The following VTI1A variants were observed in gnomAD, a reference collection of about 807,000 sequenced individuals.
The protein encoded by VTI1A is vesicle transport through interaction with t-SNAREs homolog 1A.
In VTI1A, 22 loss-of-function variants were observed where a neutral mutation model predicts 34.9. The observed-to-expected ratio is 0.63, with a 90% CI of 0.45 to 0.90. The LOEUF (loss-of-function observed/expected upper bound fraction) is 0.90. Among genes scored for constraint, VTI1A ranks in the 40% least tolerant of loss-of-function variants. The probability of loss-of-function intolerance (pLI) is 0.00; values close to 1 mark genes in which losing one functional copy is unlikely to be tolerated. For synonymous variants in VTI1A, 87 were observed against 97.3 expected (o/e 0.89, Z 0.62); for missense variants, 268 against 275.6 (o/e 0.97, Z 0.20).
chr10:112,570,674 C>T (rs1055862750), intron 5 of VTI1A, among the ~76,000 whole-genome samples: 17 of 152,320 alleles, frequency 1.1e-4, no homozygotes, highest in Admixed American at 8.5e-4. Flanking sequence ...GCATACATCT[C>T]GGAAGAGGCT....
chr10:112,792,390 G>A (rs1852513494), intron 7 of VTI1A, among the ~76,000 whole-genome samples: 1 of 152,140 alleles, frequency 6.6e-6, no homozygotes, highest in South Asian at 2.1e-4. Context: ...TGGGGGCCCA[G>A]AAGCAGAAAG....
intron 7 of VTI1A, among the ~76,000 whole-genome samples, chr10:112,681,610 G>T (rs1399161762): frequency 6.6e-6 from 1 of 152,064 alleles, no homozygotes; most frequent in African/African-American, 2.4e-5. Context: ...CACCTAATAA[G>T]ATCTAATTGT....
downstream of VTI1A, among the ~76,000 whole-genome samples, chr10:112,821,264 G>A (rs1382441828): frequency 1.3e-5 from 2 of 152,052 alleles, no homozygotes; most frequent in Admixed American, 6.5e-5. Flanking sequence ...ACCCGGCTCC[G>A]CCGAGAGCTG....
At chr10:112,701,870 C>T (rs1032314874) in intron 7 of VTI1A, among the ~76,000 whole-genome samples, 14 of 152,174 alleles carry the variant, frequency 9.2e-5, no homozygotes, top group Admixed American at 8.5e-4. Flanking sequence ...ACAAATCACT[C>T]AGCTTTAGAA....
At chr10:112,594,938 G>T (rs1300565915) in intron 5 of VTI1A, among the ~76,000 whole-genome samples, 1 of 148,780 alleles carries the variant, frequency 6.7e-6, no homozygotes, top group African/African-American at 2.6e-5. Context: ...AACCAAACCA[G>T]CATGGTACTG....
At chr10:112,687,675 C>T (rs1174172067) in intron 7 of VTI1A, among the ~76,000 whole-genome samples, 2 of 152,048 alleles carry the variant, frequency 1.3e-5, no homozygotes, top group Non-Finnish European at 2.9e-5. Flanking sequence ...TCTCTGGGCA[C>T]TGGGGTTCAT....
At chr10:112,725,824 T>C (rs949788063) in intron 7 of VTI1A, among the ~76,000 whole-genome samples, 8 of 152,188 alleles carry the variant, frequency 5.3e-5, no homozygotes, top group Non-Finnish European at 1.2e-4. Flanking sequence ...ATATAAACCC[T>C]TGGACTTTTA....
chr10:112,631,108 A>C (rs902597820), intron 5 of VTI1A, among the ~76,000 whole-genome samples: 1 of 152,078 alleles, frequency 6.6e-6, no homozygotes, highest in Admixed American at 6.6e-5. Context: ...CAGCCTGGGC[A>C]ACAAGAGCGA....
chr10:112,600,255 C>T (rs1308608827), intron 5 of VTI1A, among the ~76,000 whole-genome samples: 1 of 152,166 alleles, frequency 6.6e-6, no homozygotes, highest in Non-Finnish European at 1.5e-5. Flanking sequence ...CTACTATAGT[C>T]ATTTTTATCC....
the VTI1A span, among the ~76,000 whole-genome samples, chr10:112,830,534 A>G: frequency 6.6e-6 from 1 of 150,384 alleles, no homozygotes; most frequent in Non-Finnish European, 1.5e-5. Flanking sequence ...TGCTCATCCT[A>G]CGTTTTTCCT....
intron 7 of VTI1A, among the ~76,000 whole-genome samples, chr10:112,692,182 A>G (rs1037650920): frequency 2.0e-5 from 3 of 151,646 alleles, no homozygotes; most frequent in Admixed American, 6.6e-5. Context: ...AGATTAAAAT[A>G]ACTAATGCAC....
intron 5 of VTI1A, among the ~76,000 whole-genome samples, chr10:112,663,088 A>G (rs989038093): frequency 2.0e-5 from 3 of 152,212 alleles, no homozygotes; most frequent in African/African-American, 7.2e-5. Flanking sequence ...ATTTCTCTTT[A>G]CTGACGAGCT....
At chr10:112,682,858 T>A (rs1291247327) in intron 7 of VTI1A, among the ~76,000 whole-genome samples, 1 of 152,202 alleles carries the variant, frequency 6.6e-6, no homozygotes, top group African/African-American at 2.4e-5. Flanking sequence ...TCAATTTGGA[T>A]GGGCTTCAGT....
At chr10:112,741,995 T>TA (rs982262461) in intron 7 of VTI1A, among the ~76,000 whole-genome samples, 26 of 151,946 alleles carry the variant, frequency 1.7e-4, no homozygotes, top group African/African-American at 5.5e-4. Context: ...AGCAAGCAAG[T>TA]AAAAAAAATA....
At chr10:112,637,307 G>A (rs1846391692) in intron 5 of VTI1A, among the ~76,000 whole-genome samples, 1 of 152,134 alleles carries the variant, frequency 6.6e-6, no homozygotes, top group Non-Finnish European at 1.5e-5. Context: ...CTTTATATAT[G>A]GTGTCAGCTT....
At chr10:112,484,365 T>C (rs1413200211) in intron 3 of VTI1A, among the ~76,000 whole-genome samples, 3 of 152,258 alleles carry the variant, frequency 2.0e-5, no homozygotes, top group Non-Finnish European at 2.9e-5. Context: ...ATTCTATATC[T>C]AGTTTAGGAC....
intron 1 of VTI1A, chr10:112,448,281 G>C (rs551354601): frequency 6.6e-6 from 1 of 151,970 alleles, no homozygotes; most frequent in East Asian, 1.9e-4. Flanking sequence ...GTATAACCCA[G>C]TTTCATGTAA....
chr10:112,468,148 G>C (rs1007733158), intron 3 of VTI1A, among the ~76,000 whole-genome samples: 1 of 152,158 alleles, frequency 6.6e-6, no homozygotes, highest in East Asian at 1.9e-4. Context: ...ATCTGTGAGG[G>C]CATTGTAGGC....
chr10:112,674,544 A>G (rs894024466), intron 7 of VTI1A, among the ~76,000 whole-genome samples: 1 of 152,146 alleles, frequency 6.6e-6, no homozygotes, highest in Non-Finnish European at 1.5e-5. Context: ...GCCTTTAAAC[A>G]TAGATTTTTG....
Sources: allele counts gnomAD v4.1 joint callset (sites outside exome capture counted in the v4.1 genomes callset), GRCh38; gene constraint gnomAD v4.1.1; transcripts MANE v1.5; gene names NCBI Gene and HGNC (gene_info 2026-07-23, HGNC 2026-07-21).